DUSP16: variants seen among roughly 807,000 people sequenced by gnomAD.
DUSP16 encodes dual specificity protein phosphatase 16.
DUSP16 carries 21 observed loss-of-function variants against 58.3 expected under a neutral mutation model. That is an observed-to-expected ratio of 0.36 (90% CI 0.26 to 0.52). The LOEUF (loss-of-function observed/expected upper bound fraction) is 0.52, where lower values mean the gene tolerates loss of function less well. DUSP16 is among the 20% of genes least tolerant of loss of function. DUSP16 has a pLI of 0.94. For synonymous variants in DUSP16, 320 were observed against 323.8 expected (o/e 0.99, Z 0.12); for missense variants, 726 against 819.0 (o/e 0.89, Z 1.39).
At chr12:12,512,948 G>A (rs534255924) in intron 3 of DUSP16, among the ~76,000 whole-genome samples, 2 of 152,054 alleles carry the variant, frequency 1.3e-5, no homozygotes, top group Non-Finnish European at 2.9e-5. Context: ...CCATAACCAG[G>A]AAGATCAGGT....
intron 1 of DUSP16, among the ~76,000 whole-genome samples, chr12:12,535,221 C>T (rs1257560280): frequency 2.0e-5 from 3 of 152,184 alleles, no homozygotes; most frequent in Non-Finnish European, 4.4e-5. Context: ...TTCTCCTTAC[C>T]TCAGCTCCCA....
intron 3 of DUSP16, among the ~76,000 whole-genome samples, chr12:12,501,304 G>A (rs570378295): frequency 1.3e-5 from 2 of 152,280 alleles, no homozygotes; most frequent in South Asian, 2.1e-4. Context: ...ATCTCAGCAA[G>A]CACTATAAAG....
At chr12:12,549,850 G>A (rs1944700059) in intron 1 of DUSP16, among the ~76,000 whole-genome samples, 1 of 151,312 alleles carries the variant, frequency 6.6e-6, no homozygotes, top group African/African-American at 2.4e-5. Flanking sequence ...CTTCCCTTCT[G>A]TCTACCCTTT....
intron 1 of DUSP16, among the ~76,000 whole-genome samples, chr12:12,524,165 G>A (rs989202231): frequency 6.6e-6 from 1 of 152,218 alleles, no homozygotes; most frequent in African/African-American, 2.4e-5. Flanking sequence ...ACAGAGCAGA[G>A]AATGTCATTC....
At position 12,475,799 on chromosome 12, in the gene DUSP16, C is replaced by T. The variant is rs965469615; in HGVS notation, c.*1034G>A. The T allele has an allele frequency of 6.6e-6, 1 of 152,208 alleles. No homozygotes were observed. Among genetic ancestry groups the T allele is most frequent in the Non-Finnish European group, 1.5e-5 (1 of 68,044 alleles). The allele number at this position is 152,208 out of a possible 1,614,324, so 9.4% of individuals were successfully genotyped here. A position where few individuals can be genotyped will look rare whatever the true frequency, so the allele number is the denominator to read the frequency against. The stretch of plus-strand genomic sequence containing the variant: ...ATTATTACATTTTACCAACTGTATC[C>T]ATGCAGTGAAGCAGAAAGGGCAAAA... On this transcript the variant is annotated 3_prime_UTR_variant, in exon 7 of 7. Transcript: ENST00000298573.
At chr12:12,510,091 A>C (rs983486376) in intron 3 of DUSP16, among the ~76,000 whole-genome samples, 3 of 152,162 alleles carry the variant, frequency 2.0e-5, no homozygotes, top group Non-Finnish European at 4.4e-5. Flanking sequence ...TGATGCCCCT[A>C]AATGGCGCAG....
At chr12:12,543,837 T>G (rs1462670215) in intron 1 of DUSP16, among the ~76,000 whole-genome samples, 1 of 152,054 alleles carries the variant, frequency 6.6e-6, no homozygotes, top group African/African-American at 2.4e-5. Flanking sequence ...CTGTTCTATT[T>G]ATTTATGAGG....
Position 12,476,792 on chromosome 12 carries a change from G to GA in DUSP16, c.*40dup, listed in dbSNP as rs749453400. 562 of 1,497,332 alleles carry GA rather than the reference G, an allele frequency of 3.8e-4. No homozygotes were observed. Among genetic ancestry groups the GA allele is most frequent in the South Asian group, 2.6e-3 (193 of 75,652 alleles). The allele number at this position is 1,497,332 out of a possible 1,614,324, so 92.8% of individuals were successfully genotyped here. A position where few individuals can be genotyped will look rare whatever the true frequency, so the allele number is the denominator to read the frequency against. ...TTACAGGGAATTTTTTTGTGAACAA[G>GA]AAAAAAAAATTGTCTATAGAAGTCA... On this transcript the variant is annotated 3_prime_UTR_variant, in exon 7 of 7. Coordinates refer to ENST00000298573, the MANE Select transcript of DUSP16 (RefSeq NM_030640.3).
In DUSP16 at chr12:12,477,960, G is replaced by C; in HGVS notation, c.871C>G (p.Leu291Val). The C allele has an allele frequency of 6.2e-7, 1 of 1,611,314 alleles. No homozygotes were observed. Among genetic ancestry groups the C allele is most frequent in the Non-Finnish European group, 8.5e-7 (1 of 1,178,256 alleles). Residue 291 changes from leucine to valine, a missense_variant, in exon 7 of 7, where the codon CTC (leucine) becomes GTC (valine). By Grantham distance (32) the Leu-to-Val change is conservative. Coordinates refer to ENST00000298573, the MANE Select transcript of DUSP16 (RefSeq NM_030640.3). This position sits in a 1 kb window ranked among gnomAD's most constrained non-coding sequence, Gnocchi z 4.1. ...ISPNFNFLGQ[L>V]LDYEKKIKNQ... Reference sequence around the variant, plus strand: ...TTAATCTTCTTCTCATAGTCCAGGAGTTGGCCCAGAAAATTGAAGTTTGGA... The same window carrying C: ...TTAATCTTCTTCTCATAGTCCAGGACTTGGCCCAGAAAATTGAAGTTTGGA...
chr12:12,488,438 C>T (rs141168749), intron 4 of DUSP16, among the ~76,000 whole-genome samples: 5 of 152,300 alleles, frequency 3.3e-5, no homozygotes, highest in Admixed American at 6.5e-5. Context: ...TCTTGGACCG[C>T]GTCTTGTTTT....
At position 12,521,236 on chromosome 12, in the gene DUSP16, G is replaced by C. The variant is rs1944232083; in HGVS notation, c.-138C>G. 6.9e-7 allele frequency: 1 copy of C among 1,458,148 alleles called. No individual in the cohort carries two copies. The highest frequency in any genetic ancestry group is 1.4e-5 in the African/African-American group (1 of 70,404). 90.3% of individuals were successfully genotyped at this position (1,458,148 alleles called of 1,614,324 possible). A position where few individuals can be genotyped will look rare whatever the true frequency, so the allele number is the denominator to read the frequency against. On this transcript the variant is annotated 5_prime_UTR_variant, in exon 2 of 7. Transcript: ENST00000298573. The stretch of plus-strand genomic sequence containing the variant: ...GCTGGTGGTGACTGGCAAAAGGAGA[G>C]TTAAACCCATTTTCAGCAAGAGCCC...
At chr12:12,507,885 AG>A (rs1944022037) in intron 3 of DUSP16, among the ~76,000 whole-genome samples, 1 of 152,280 alleles carries the variant, frequency 6.6e-6, no homozygotes, top group African/African-American at 2.4e-5. Context: ...CTGGGATTAC[AG>A]GCGTGAGCCA....
chr12:12,541,194 A>C (rs893258267), intron 1 of DUSP16, among the ~76,000 whole-genome samples: 6 of 151,960 alleles, frequency 3.9e-5, no homozygotes, highest in Admixed American at 3.9e-4. Flanking sequence ...CCTGGACTCA[A>C]GCAATTGACT....
chr12:12,552,218 A>T (rs34936353), intron 1 of DUSP16, among the ~76,000 whole-genome samples: 12,290 of 151,918 alleles, frequency 0.081, 557 homozygotes, highest in Middle Eastern at 0.12. Context: ...GGCCGAGGCA[A>T]GCGGATCACT....
At chr12:12,497,302 G>T (rs1345016565) in intron 4 of DUSP16, among the ~76,000 whole-genome samples, 2 of 152,164 alleles carry the variant, frequency 1.3e-5, no homozygotes, top group Admixed American at 1.3e-4. Context: ...AGATGATGTT[G>T]CAGAAAAAAC....
At chr12:12,556,287 G>C (rs1478830941) in intron 1 of DUSP16, among the ~76,000 whole-genome samples, 1 of 152,164 alleles carries the variant, frequency 6.6e-6, no homozygotes, top group Non-Finnish European at 1.5e-5. Flanking sequence ...GCTGGTCACA[G>C]TGGCTTGTGC....
rs1029349564 is a variant in DUSP16, at chr12:12,473,950, T to C, written c.*2883A>G. ...GTTCTGGAATCAGTCAGCTAGAAAA[T>C]ATTTACCAAGTGTCTTAGGCTTTTT... On this transcript the variant is annotated 3_prime_UTR_variant, in exon 7 of 7. Transcript: ENST00000298573. Among the ~76,000 whole-genome samples, 3 of 152,158 alleles carry C rather than the reference T, an allele frequency of 2.0e-5. No individual in the cohort carries two copies. Among genetic ancestry groups the C allele is most frequent in the Admixed American group, 6.5e-5 (1 of 15,274 alleles).
intron 3 of DUSP16, among the ~76,000 whole-genome samples, chr12:12,514,799 G>C (rs948620738): frequency 6.6e-6 from 1 of 152,040 alleles, no homozygotes; most frequent in African/African-American, 2.4e-5. Flanking sequence ...TGGGACTATA[G>C]GTATGATACC....
intron 3 of DUSP16, among the ~76,000 whole-genome samples, chr12:12,504,415 C>G (rs1943954899): frequency 6.6e-6 from 1 of 152,062 alleles, no homozygotes; most frequent in Non-Finnish European, 1.5e-5. Context: ...GGGAACACCA[C>G]CACGCCCAGC....
Sources: gnomAD v4.1 joint callset for allele counts (sites outside exome capture counted in the v4.1 genomes callset) on GRCh38, gnomAD v4.1.1 for gene constraint, Gnocchi (gnomAD v3.1) non-coding constraint, MANE v1.5 for transcripts, NCBI Gene and HGNC (gene_info 2026-07-23, HGNC 2026-07-21) for gene names.